Variants in SPATA31H1 observed in about 807,000 individuals in gnomAD.
SPATA31H1 encodes the protein SPATA31 subfamily H member 1.
At chr2:27,545,571 T>C in the SPATA31H1 span, among the ~76,000 whole-genome samples, 3 of 132,474 alleles carry the variant, frequency 2.3e-5, no homozygotes. Flanking sequence ...GTCCATCTTT[T>C]CCTTTTTCTT....
the SPATA31H1 span, chr2:27,579,191 T>C: frequency 1.2e-6 from 2 of 1,614,126 alleles, no homozygotes; most frequent in Non-Finnish European, 1.7e-6. Context: ...GACAACACAA[T>C]GTCTGGGAGA....
chr2:27,555,146 T>C, the SPATA31H1 span, among the ~76,000 whole-genome samples: 1 of 151,976 alleles, frequency 6.6e-6, no homozygotes, highest in Non-Finnish European at 1.5e-5. Context: ...ATTTATAGGA[T>C]CATGTGAGTT....
chr2:27,539,344 T>A, the SPATA31H1 span, among the ~76,000 whole-genome samples: 1 of 144,854 alleles, frequency 6.9e-6, no homozygotes, highest in African/African-American at 2.7e-5. Context: ...CCTTCAAGCA[T>A]CTGTTTAACA....
chr2:27,578,086 A>T, the SPATA31H1 span: 948 of 1,614,174 alleles, frequency 5.9e-4, 7 homozygotes, highest in African/African-American at 0.012. Flanking sequence ...ATCCTCATAG[A>T]TGTCCCAAAA....
chr2:27,580,999 G>C, the SPATA31H1 span: 3 of 1,614,204 alleles, frequency 1.9e-6, no homozygotes, highest in Non-Finnish European at 1.7e-6. Context: ...CAGCCTCTGA[G>C]AACTGTTCAA....
the SPATA31H1 span, among the ~76,000 whole-genome samples, chr2:27,560,460 AT>A: frequency 0.043 from 6,040 of 140,464 alleles, 318 homozygotes; most frequent in African/African-American, 0.14. Flanking sequence ...CTCAAAGAGT[AT>A]TTTTTTTTTT....
At chr2:27,579,948 C>T in the SPATA31H1 span, 7 of 1,614,014 alleles carry the variant, frequency 4.3e-6, no homozygotes, top group African/African-American at 2.7e-5. Context: ...ACAGTGTGGC[C>T]GATGTTCAGG....
At chr2:27,563,862 C>T in the SPATA31H1 span, among the ~76,000 whole-genome samples, 1 of 151,980 alleles carries the variant, frequency 6.6e-6, no homozygotes, top group East Asian at 1.9e-4. Context: ...TGCCTGGCTG[C>T]CCCAGCTAAT....
chr2:27,580,838 T>C, the SPATA31H1 span: 2 of 1,614,132 alleles, frequency 1.2e-6, no homozygotes, highest in Non-Finnish European at 8.5e-7. Context: ...GCTCAACCAT[T>C]AAGCAGGAGG....
chr2:27,543,614 A>C, the SPATA31H1 span, among the ~76,000 whole-genome samples: 5 of 151,580 alleles, frequency 3.3e-5, no homozygotes, highest in Admixed American at 3.3e-4. Context: ...AGAACTCCAC[A>C]GTTTCTGCAG....
chr2:27,537,405 G>T, the SPATA31H1 span: 1 of 715,372 alleles, frequency 1.4e-6, no homozygotes, highest in Non-Finnish European at 2.6e-6. Context: ...AACTCTGGCT[G>T]AGAAGAGCAT....
chr2:27,539,721 ATGGGGCGGCTGGCCGGG>A, the SPATA31H1 span, among the ~76,000 whole-genome samples: 1 of 61,148 alleles, frequency 1.6e-5, no homozygotes, highest in Non-Finnish European at 3.0e-5. Context: ...CACCTCCCGG[ATGGGGCGGCTGGCCGGG>A]CGGGGGGCTG....
At chr2:27,554,330 C>A in the SPATA31H1 span, among the ~76,000 whole-genome samples, 1 of 151,886 alleles carries the variant, frequency 6.6e-6, no homozygotes, top group Non-Finnish European at 1.5e-5. Context: ...GCAACAGCAC[C>A]CTCACTTCTT....
chr2:27,581,099 A>G, the SPATA31H1 span: 1 of 1,614,226 alleles, frequency 6.2e-7, no homozygotes, highest in South Asian at 1.1e-5. Flanking sequence ...CAGGAACCAG[A>G]GTTCAGGCCC....
the SPATA31H1 span, chr2:27,566,999 G>A: frequency 5.6e-6 from 4 of 717,398 alleles, no homozygotes; most frequent in East Asian, 1.1e-4. Context: ...CTGTGTTCAG[G>A]AACCAAGGCA....
the SPATA31H1 span, among the ~76,000 whole-genome samples, chr2:27,541,913 G>T: frequency 6.6e-6 from 1 of 151,846 alleles, no homozygotes; most frequent in African/African-American, 2.4e-5. Flanking sequence ...TGAGACTACA[G>T]GCCCATGCCA....
the SPATA31H1 span, among the ~76,000 whole-genome samples, chr2:27,544,529 A>ATTTTTTT: frequency 2.4e-5 from 3 of 125,106 alleles, no homozygotes; most frequent in African/African-American, 6.0e-5. Flanking sequence ...GTTGACAACA[A>ATTTTTTT]TTTTTTTTTT....
the SPATA31H1 span, chr2:27,537,505 C>T: frequency 2.4e-5 from 17 of 717,100 alleles, no homozygotes; most frequent in Non-Finnish European, 3.6e-5. Context: ...TTTTATTTGG[C>T]GGCTTTGGAC....
the SPATA31H1 span, among the ~76,000 whole-genome samples, chr2:27,556,192 C>G: frequency 6.8e-6 from 1 of 147,840 alleles, no homozygotes; most frequent in South Asian, 2.1e-4. Flanking sequence ...CTGTAGTGTA[C>G]TTAAGTTTAG....
Sources: gnomAD v4.1 joint callset for allele counts (sites outside exome capture counted in the v4.1 genomes callset) on GRCh38, gnomAD v4.1.1 for gene constraint, MANE v1.5 for transcripts, NCBI Gene and HGNC (gene_info 2026-07-23, HGNC 2026-07-21) for gene names.